Variants in EXT1 observed in about 807,000 individuals in gnomAD.
EXT1 encodes exostosin-1.
Under a neutral mutation model 82.5 loss-of-function variants are expected in EXT1, and 20 were observed. That is an observed-to-expected ratio of 0.24 (90% CI 0.17 to 0.35). The LOEUF (loss-of-function observed/expected upper bound fraction) is 0.35, where lower values mean the gene tolerates loss of function less well. Among genes scored for constraint, EXT1 ranks in the 10% least tolerant of loss-of-function variants. EXT1 has a pLI of 1.00. For synonymous variants in EXT1, 348 were observed against 350.8 expected (o/e 0.99, Z 0.09); for missense variants, 757 against 936.5 (o/e 0.81, Z 2.50).
chr8:117,833,972 T>C (rs1239091645), intron 3 of EXT1, among the ~76,000 whole-genome samples: 1 of 152,212 alleles, frequency 6.6e-6, no homozygotes, highest in Non-Finnish European at 1.5e-5. Context: ...GGAATCACAG[T>C]GGGAAATCAT....
intron 1 of EXT1, among the ~76,000 whole-genome samples, chr8:118,093,921 T>C (rs1435164763): frequency 6.6e-6 from 1 of 152,242 alleles, no homozygotes; most frequent in African/African-American, 2.4e-5. Context: ...AAGCCATCAG[T>C]TGTTAGCAGC....
intron 4 of EXT1, among the ~76,000 whole-genome samples, chr8:117,829,199 T>C (rs1812056120): frequency 6.6e-6 from 1 of 152,184 alleles, no homozygotes; most frequent in Admixed American, 6.5e-5. Context: ...AATCTTTTCC[T>C]AGCTCTTTGT....
chr8:117,944,854 C>A (rs959924041), intron 1 of EXT1, among the ~76,000 whole-genome samples: 1 of 152,118 alleles, frequency 6.6e-6, no homozygotes, highest in African/African-American at 2.4e-5. Context: ...CAGGTCTATG[C>A]TCAGTGCTAA....
chr8:117,968,489 C>A (rs1216310190), intron 1 of EXT1, among the ~76,000 whole-genome samples: 1 of 151,408 alleles, frequency 6.6e-6, no homozygotes, highest in Non-Finnish European at 1.5e-5. Context: ...TGCCTTACCA[C>A]AAAGTCTGTG....
At chr8:117,910,809 C>T (rs1386125947) in intron 1 of EXT1, among the ~76,000 whole-genome samples, 3 of 152,194 alleles carry the variant, frequency 2.0e-5, no homozygotes, top group Non-Finnish European at 4.4e-5. Flanking sequence ...TGGCAGGATC[C>T]GCATGATCCT....
At chr8:118,098,791 C>A (rs1817666280) in intron 1 of EXT1, among the ~76,000 whole-genome samples, 1 of 150,062 alleles carries the variant, frequency 6.7e-6, no homozygotes, top group South Asian at 2.1e-4. Context: ...GCTAGCACTA[C>A]AGGCCTACAC....
chr8:117,945,229 G>A (rs558913546), intron 1 of EXT1, among the ~76,000 whole-genome samples: 2 of 152,286 alleles, frequency 1.3e-5, no homozygotes, highest in African/African-American at 4.8e-5. Context: ...GGAAACTGAG[G>A]CCTAGAGAAG....
chr8:118,055,402 T>C (rs1816779748), intron 1 of EXT1, among the ~76,000 whole-genome samples: 2 of 152,258 alleles, frequency 1.3e-5, no homozygotes, highest in Non-Finnish European at 2.9e-5. Context: ...GCATCTGCGT[T>C]GTTTCCAGTT....
chr8:117,807,176 A>G, intron 9 of EXT1, 41 bp downstream of exon 9: 2 of 1,612,660 alleles, frequency 1.2e-6, no homozygotes, highest in South Asian at 1.1e-5. Flanking sequence ...CAATATAAAA[A>G]GCTATGTAAA....
intron 3 of EXT1, chr8:117,831,500 T>A (rs1193527736): frequency 8.8e-6 from 4 of 452,832 alleles, no homozygotes; most frequent in African/African-American, 8.1e-5. Flanking sequence ...CTGGGCTTGT[T>A]CCCTATTTTC....
In EXT1 at chr8:118,088,066, T is replaced by C. The variant is rs959996255; in HGVS notation, c.962+22019A>G. ...AGCCAGCAGGTAGAGAGTAAATGCA[T>C]TGAACAGCAACTGCTGAATCCCCCT... On this transcript the variant is annotated intron_variant, in intron 1 of 10. Coordinates refer to ENST00000378204, the MANE Select transcript of EXT1 (RefSeq NM_000127.3). Among the ~76,000 whole-genome samples, 6 of 152,010 alleles carry C rather than the reference T, an allele frequency of 3.9e-5. 1 individual carries two copies. The highest frequency in any genetic ancestry group is 7.4e-5 in the Non-Finnish European group (5 of 67,988).
At chr8:118,074,907 A>C (rs1368551932) in intron 1 of EXT1, among the ~76,000 whole-genome samples, 1 of 152,220 alleles carries the variant, frequency 6.6e-6, no homozygotes. Context: ...TCTGGACCAC[A>C]GAAGGCTGGA....
At chr8:118,045,899 G>A (rs1415587171) in intron 1 of EXT1, among the ~76,000 whole-genome samples, 1 of 151,812 alleles carries the variant, frequency 6.6e-6, no homozygotes, top group Non-Finnish European at 1.5e-5. Context: ...AGGTTGAAGC[G>A]ATTCTCATGC....
At chr8:118,016,374 C>T (rs1816004170) in intron 1 of EXT1, among the ~76,000 whole-genome samples, 2 of 152,210 alleles carry the variant, frequency 1.3e-5, no homozygotes. Flanking sequence ...GCCTGGGTGA[C>T]TGAGAGAGAC....
chr8:118,072,944 T>C (rs1358129140), intron 1 of EXT1, among the ~76,000 whole-genome samples: 2 of 152,242 alleles, frequency 1.3e-5, no homozygotes, highest in African/African-American at 2.4e-5. Context: ...GACTTGCCAA[T>C]ATAGCCATCC....
rs189063108 is a variant in EXT1 at position 117,937,488 on chromosome 8, T to C, written c.963-100287A>G. Among the ~76,000 whole-genome samples the C allele has an allele frequency of 3.9e-4, 60 of 152,370 alleles. No homozygotes were observed. The East Asian group carries it at 0.01, about 26-fold the overall frequency. Reference sequence around the variant, plus strand: ...CTGAATCGCCCTGATTTATGAAGTCTGTGTTTCTTCATCCTGCCCCCTCCC... The same window carrying C: ...CTGAATCGCCCTGATTTATGAAGTCCGTGTTTCTTCATCCTGCCCCCTCCC... On this transcript the variant is annotated intron_variant, in intron 1 of 10. Transcript: ENST00000378204.
At chr8:118,036,556 A>G (rs1816422425) in intron 1 of EXT1, among the ~76,000 whole-genome samples, 1 of 152,204 alleles carries the variant, frequency 6.6e-6, no homozygotes. Context: ...ATTTCAATTG[A>G]GTTGAGCAGA....
rs190518029 is a variant in EXT1 at position 117,899,438 on chromosome 8, G to A, written c.963-62237C>T. Among the ~76,000 whole-genome samples the A allele has an allele frequency of 9.2e-4, 140 of 152,324 alleles. 1 individual carries two copies. Among genetic ancestry groups the A allele is most frequent in the Admixed American group, 1.8e-3 (28 of 15,308 alleles). ...CATCACCAGAAAGGAGAGAAATCTC[G>A]TGTATAAATAATTAGGCAATCTCAA... On this transcript the variant is annotated intron_variant, in intron 1 of 10. Transcript: ENST00000378204.
rs1291032406 is a variant in EXT1 at position 118,110,939 on chromosome 8, C to T, written c.108G>A (p.Arg36=). The T allele has an allele frequency of 2.5e-6, 4 of 1,613,614 alleles. No individual in the cohort carries two copies. The highest frequency in any genetic ancestry group is 3.4e-6 in the Non-Finnish European group (4 of 1,180,050). Residue 36 remains arginine, a synonymous_variant, in exon 1 of 11, where the codon CGG becomes CGA. Transcript: ENST00000378204. The part of the protein sequence containing the change: ...LQFRASRSHS[R]REEHSGRNGL... The stretch of plus-strand genomic sequence containing the variant: ...CATTCCTACCGCTGTGTTCTTCTCT[C>T]CGGCTGTGGCTCCTCGATGCCCTAA...
Sources: allele counts gnomAD v4.1 joint callset (sites outside exome capture counted in the v4.1 genomes callset), GRCh38; gene constraint gnomAD v4.1.1; transcripts MANE v1.5; gene names NCBI Gene and HGNC (gene_info 2026-07-23, HGNC 2026-07-21).